CHRNA7: variants seen among roughly 807,000 people sequenced by gnomAD.
The protein encoded by CHRNA7 is cholinergic receptor nicotinic alpha 7 subunit, also known as neuronal acetylcholine receptor subunit alpha-7.
In CHRNA7, 17 loss-of-function variants were observed where a neutral mutation model predicts 48.0. The ratio of observed to expected loss-of-function variants is 0.35; its 90% CI spans 0.24 to 0.53. CHRNA7 has a LOEUF of 0.53. CHRNA7 is among the 20% of genes least tolerant of loss of function. The probability of loss-of-function intolerance (pLI) is 0.92; values close to 1 mark genes in which losing one functional copy is unlikely to be tolerated. For missense variants in CHRNA7, 155 were observed against 577.7 expected, an observed-to-expected ratio of 0.27 and a Z score of 7.50; for synonymous variants, 75 against 242.3, an observed-to-expected ratio of 0.31 and a Z score of 6.41.
At chr15:32,055,318 G>T (rs965887489) in intron 2 of CHRNA7, among the ~76,000 whole-genome samples, 1 of 151,076 alleles carries the variant, frequency 6.6e-6, no homozygotes, top group Non-Finnish European at 1.5e-5. Context: ...CGTAGTCATT[G>T]TCTTTGTTTT....
At chr15:32,099,919 T>A (rs2050541611) in intron 2 of CHRNA7, 1 of 152,222 alleles carries the variant, frequency 6.6e-6, no homozygotes, top group Non-Finnish European at 1.5e-5. Context: ...GTTCAGCATC[T>A]TGTGGACATT....
chr15:32,080,944 A>G (rs1302232537), intron 2 of CHRNA7, among the ~76,000 whole-genome samples: 1 of 152,232 alleles, frequency 6.6e-6, no homozygotes, highest in Admixed American at 6.5e-5. Flanking sequence ...TACACCATGG[A>G]ATACTACAGA....
At chr15:32,122,180 T>A (rs1595471920) in intron 4 of CHRNA7, among the ~76,000 whole-genome samples, 1 of 152,168 alleles carries the variant, frequency 6.6e-6, no homozygotes, top group African/African-American at 2.4e-5. Context: ...TCGCAGTGGG[T>A]GAGGGACTAG....
Position 32,083,738 on chromosome 15 carries a change from G to T in CHRNA7, c.196-17565G>T, listed in dbSNP as rs185950821. Reference sequence around the variant, plus strand: ...TTAAGTGGCTCATATATAACAAAAGGTCATTTATGAAGGAAGGAATTACTT... The same window carrying T: ...TTAAGTGGCTCATATATAACAAAAGTTCATTTATGAAGGAAGGAATTACTT... On this transcript the variant is annotated intron_variant, in intron 2 of 9. Transcript: ENST00000306901. 3.4e-4 allele frequency among the ~76,000 whole-genome samples: 51 copies of T among 152,204 alleles called. No homozygotes were observed. The East Asian group carries it at 8.5e-3, about 25-fold the overall frequency.
chr15:32,056,628 G>C (rs780963045), intron 2 of CHRNA7, among the ~76,000 whole-genome samples: 1 of 152,128 alleles, frequency 6.6e-6, no homozygotes, highest in Non-Finnish European at 1.5e-5. Context: ...AAAGTCAGTA[G>C]TAAAGAAGGG....
At chr15:32,107,779 C>T (rs1595455181) in intron 3 of CHRNA7, among the ~76,000 whole-genome samples, 1 of 152,220 alleles carries the variant, frequency 6.6e-6, no homozygotes, top group Admixed American at 6.5e-5. Flanking sequence ...CTTTCTCACC[C>T]CTCCCCAGAG....
chr15:32,057,989 A>G (rs567498235), intron 2 of CHRNA7, among the ~76,000 whole-genome samples: 24 of 152,148 alleles, frequency 1.6e-4, no homozygotes, highest in Non-Finnish European at 3.1e-4. Flanking sequence ...TGTTCTTTAT[A>G]TTACCGGTCT....
chr15:32,148,521 C>T (rs902240443), intron 4 of CHRNA7, among the ~76,000 whole-genome samples: 1 of 152,244 alleles, frequency 6.6e-6, no homozygotes, highest in African/African-American at 2.4e-5. Flanking sequence ...AGCAGCTCTG[C>T]AGGAATGAGA....
intron 2 of CHRNA7, among the ~76,000 whole-genome samples, chr15:32,071,476 CG>C (rs772271462): frequency 3.3e-5 from 5 of 152,172 alleles, no homozygotes; most frequent in Non-Finnish European, 5.9e-5. Flanking sequence ...GTACACACTT[CG>C]TTAGATTTAC....
chr15:32,137,316 G>A (rs963578106), intron 4 of CHRNA7, among the ~76,000 whole-genome samples: 1 of 113,256 alleles, frequency 8.8e-6, no homozygotes, highest in Non-Finnish European at 1.8e-5. Flanking sequence ...AATAAAATGT[G>A]AGTGGCTATG....
intron 2 of CHRNA7, among the ~76,000 whole-genome samples, chr15:32,079,124 A>G (rs951249956): frequency 6.6e-6 from 1 of 152,234 alleles, no homozygotes; most frequent in Non-Finnish European, 1.5e-5. Flanking sequence ...AAAACTCTCA[A>G]TAAACTAGGT....
In CHRNA7 at chr15:32,074,832, AG is replaced by A. The variant is rs2050112549; in HGVS notation, c.196-26470del. ...CCAGCTAATTTTTTGTAGTTTCATT[AG>A]AGATGAGGTTTCACCATGTCGGCCA... On this transcript the variant is annotated intron_variant, in intron 2 of 9. Coordinates refer to ENST00000306901, the MANE Select transcript of CHRNA7 (RefSeq NM_000746.6). Among the ~76,000 whole-genome samples, 3 of 152,038 alleles carry A rather than the reference AG, an allele frequency of 2.0e-5. No individual in the cohort carries two copies. In the East Asian group the frequency reaches 5.8e-4, roughly 30 times the overall value.
At chr15:32,102,030 TC>T (rs1233183383) in intron 3 of CHRNA7, 1 of 152,200 alleles carries the variant, frequency 6.6e-6, no homozygotes, top group Admixed American at 6.5e-5. Flanking sequence ...TTTAACGTAG[TC>T]CCTTTTTTCT....
At chr15:32,109,893 T>C (rs1341341366) in intron 3 of CHRNA7, among the ~76,000 whole-genome samples, 6 of 152,130 alleles carry the variant, frequency 3.9e-5, no homozygotes, top group Non-Finnish European at 8.8e-5. Context: ...AGCGTACAGC[T>C]CTGGCTGTGC....
At chr15:32,129,695 C>G (rs1208233363) in intron 4 of CHRNA7, among the ~76,000 whole-genome samples, 1 of 149,930 alleles carries the variant, frequency 6.7e-6, no homozygotes, top group Non-Finnish European at 1.5e-5. Flanking sequence ...ATTTTTTTTT[C>G]TTTTTTTTCT....
chr15:32,147,020 CA>C (rs1382108522), intron 4 of CHRNA7, among the ~76,000 whole-genome samples: 1 of 152,136 alleles, frequency 6.6e-6, no homozygotes, highest in Non-Finnish European at 1.5e-5. Context: ...ACACAAGGAA[CA>C]AAAATAGGGA....
At chr15:32,140,822 C>T (rs2051364760) in intron 4 of CHRNA7, among the ~76,000 whole-genome samples, 1 of 152,110 alleles carries the variant, frequency 6.6e-6, no homozygotes, top group Admixed American at 6.5e-5. Flanking sequence ...TGGATATTAG[C>T]CCTTTGTCAG....
At chr15:32,148,734 C>T (rs955166016) in intron 4 of CHRNA7, among the ~76,000 whole-genome samples, 1 of 152,230 alleles carries the variant, frequency 6.6e-6, no homozygotes, top group East Asian at 1.9e-4. Context: ...CTCCCAAGCC[C>T]TCTTTCAGCC....
chr15:32,047,843 C>G (rs1226205869), intron 2 of CHRNA7, among the ~76,000 whole-genome samples: 4 of 152,078 alleles, frequency 2.6e-5, no homozygotes, highest in Non-Finnish European at 5.9e-5. Context: ...GAGATACATC[C>G]CATCAATACC....
Sources: allele counts gnomAD v4.1 joint callset (sites outside exome capture counted in the v4.1 genomes callset), GRCh38; gene constraint gnomAD v4.1.1; transcripts MANE v1.5; gene names NCBI Gene and HGNC (gene_info 2026-07-23, HGNC 2026-07-21).